ARHGAP35: variants seen among roughly 807,000 people sequenced by gnomAD.
ARHGAP35 encodes Rho GTPase activating protein 35.
In ARHGAP35, 15 loss-of-function variants were observed where a neutral mutation model predicts 111.1. The ratio of observed to expected loss-of-function variants is 0.13; its 90% CI spans 0.09 to 0.21. The LOEUF is 0.21. Among genes scored for constraint, ARHGAP35 ranks in the 10% least tolerant of loss-of-function variants. The pLI is 1.00. For missense variants in ARHGAP35, 1,262 were observed against 1,873.0 expected (o/e 0.67, Z 6.02); for synonymous variants, 643 against 710.3 (o/e 0.91, Z 1.51).
chr19:46,985,752 G>A (rs928351672), intron 3 of ARHGAP35, among the ~76,000 whole-genome samples: 7 of 152,116 alleles, frequency 4.6e-5, no homozygotes, highest in African/African-American at 1.7e-4. Flanking sequence ...GTAACTAGGC[G>A]TTGCTTGGTA....
chr19:46,885,304 A>G (rs1173703984), intron 1 of ARHGAP35, among the ~76,000 whole-genome samples: 10 of 152,200 alleles, frequency 6.6e-5, no homozygotes, highest in Non-Finnish European at 1.2e-4. Context: ...AATCTTTTCT[A>G]TATGCCAGGC....
chr19:46,866,568 G>A (rs1251958433), intron 1 of ARHGAP35, among the ~76,000 whole-genome samples: 1 of 152,134 alleles, frequency 6.6e-6, no homozygotes, highest in African/African-American at 2.4e-5. Context: ...GTAGATTCTT[G>A]TTGTCCTGGG....
intron 1 of ARHGAP35, among the ~76,000 whole-genome samples, chr19:46,915,675 A>G (rs1250266019): frequency 6.6e-6 from 1 of 152,128 alleles, no homozygotes; most frequent in Non-Finnish European, 1.5e-5. Context: ...TGCTCTGTTC[A>G]TTTCAGATTC....
rs1417457677 is a variant in ARHGAP35 at position 46,922,292 on chromosome 19, C to T, written c.3617C>T (p.Pro1206Leu). Reference sequence around the variant, plus strand: ...TATAAAGGGGACAATGCTGTCATTCCATACGAAACAGACGAAGACCCGCGG... The same window carrying T: ...TATAAAGGGGACAATGCTGTCATTCTATACGAAACAGACGAAGACCCGCGG... ...QGYKGDNAVI[P>L]YETDEDPRRR... The change falls in exon 2 of 7, where the codon CCA becomes CTA. Residue 1206 changes from proline (P) to leucine (L), a missense_variant. Pro to Leu is a moderately conservative substitution (Grantham distance 98). Coordinates refer to ENST00000672722, the MANE Select transcript of ARHGAP35 (RefSeq NM_004491.5). The surrounding 1 kb of genome is among the most constrained non-coding windows in gnomAD (Gnocchi z 4.0). 1 of 1,613,660 alleles carries T rather than the reference C, an allele frequency of 6.2e-7. No individual in the cohort carries two copies. Among genetic ancestry groups the T allele is most frequent in the South Asian group, 1.1e-5 (1 of 91,022 alleles).
chr19:46,964,489 C>T (rs958287753), intron 3 of ARHGAP35, among the ~76,000 whole-genome samples: 7 of 152,190 alleles, frequency 4.6e-5, no homozygotes, highest in African/African-American at 1.7e-4. Context: ...AACTCCTGAG[C>T]TCAAGTGATC....
chr19:46,913,292 G>C (rs184998072), intron 1 of ARHGAP35, among the ~76,000 whole-genome samples: 1 of 151,356 alleles, frequency 6.6e-6, no homozygotes, highest in Non-Finnish European at 1.5e-5. Context: ...TGTTGGAAGA[G>C]TGATACACAC....
intron 2 of ARHGAP35, among the ~76,000 whole-genome samples, chr19:46,935,914 A>AAC (rs1264283672): frequency 6.6e-6 from 1 of 152,234 alleles, no homozygotes; most frequent in Non-Finnish European, 1.5e-5. Context: ...TAATCATGTT[A>AAC]ATGAGCATAG....
intron 3 of ARHGAP35, among the ~76,000 whole-genome samples, chr19:46,950,825 C>T (rs889311195): frequency 1.3e-5 from 2 of 152,202 alleles, no homozygotes; most frequent in African/African-American, 4.8e-5. Context: ...CATCATAGGA[C>T]AGTGCTCTCT....
chr19:46,893,886 CT>C (rs75930765), intron 1 of ARHGAP35, among the ~76,000 whole-genome samples: 278 of 122,344 alleles, frequency 2.3e-3, no homozygotes, highest in African/African-American at 3.0e-3. Context: ...CGTTCTTTCT[CT>C]TTTTTTTTTT....
intron 1 of ARHGAP35, among the ~76,000 whole-genome samples, chr19:46,872,471 TATAAAC>T (rs2055892925): frequency 6.6e-6 from 1 of 152,064 alleles, no homozygotes; most frequent in Non-Finnish European, 1.5e-5. Flanking sequence ...TGGTTTTTCT[TATAAAC>T]ATATGAAAGA....
chr19:46,961,781 T>G (rs1003877112), intron 3 of ARHGAP35, among the ~76,000 whole-genome samples: 1 of 151,940 alleles, frequency 6.6e-6, no homozygotes, highest in Non-Finnish European at 1.5e-5. Context: ...AATACAAAAA[T>G]TAGCCGGGCG....
chr19:46,962,107 G>C (rs1306448991), intron 3 of ARHGAP35, among the ~76,000 whole-genome samples: 1 of 152,182 alleles, frequency 6.6e-6, no homozygotes, highest in Admixed American at 6.5e-5. Context: ...ATCTGTGGGT[G>C]CTGTTTACAC....
intron 1 of ARHGAP35, among the ~76,000 whole-genome samples, chr19:46,912,144 A>G (rs903063065): frequency 1.4e-5 from 2 of 144,868 alleles, no homozygotes; most frequent in African/African-American, 5.2e-5. Context: ...CTAGGGTTCT[A>G]GCGATTCTCC....
rs948499076 is a variant in ARHGAP35, at chr19:46,993,254, T to G, written c.4036+3579T>G. ...GGGGAGAGCCGACGCCGGACGAGCC[T>G]GCGTGATCACTGAAGGGCTGTGACC... On this transcript the variant is annotated intron_variant, in intron 5 of 6. Transcript: ENST00000672722. The surrounding 1 kb of genome is among the most constrained non-coding windows in gnomAD (Gnocchi z 4.6). Among the ~76,000 whole-genome samples the G allele has an allele frequency of 6.6e-6, 1 of 152,230 alleles. No individual in the cohort carries two copies. The highest frequency in any genetic ancestry group is 2.4e-5 in the African/African-American group (1 of 41,462).
intron 1 of ARHGAP35, among the ~76,000 whole-genome samples, chr19:46,902,834 A>G (rs1327709062): frequency 6.6e-6 from 1 of 152,240 alleles, no homozygotes; most frequent in Admixed American, 6.5e-5. Flanking sequence ...CACAGCAAGA[A>G]AAATGCCACC....
In ARHGAP35 at chr19:46,861,142, G is replaced by A. The variant is rs2055823934; in HGVS notation, c.-256G>A. ...CGCTGGACTAGGAGCAGGGGAACAT[G>A]GCGCCGGGGCCCCCGTCGTTGCTGC... On this transcript the variant is annotated 5_prime_UTR_variant, in exon 1 of 7. The change abolishes an upstream ATG in the 5' untranslated region. Transcript: ENST00000672722. Among the ~76,000 whole-genome samples the A allele has an allele frequency of 6.6e-6, 1 of 151,530 alleles. No individual in the cohort carries two copies. The highest frequency in any genetic ancestry group is 1.5e-5 in the Non-Finnish European group (1 of 67,784).
chr19:46,909,211 C>T (rs1285056947), intron 1 of ARHGAP35, among the ~76,000 whole-genome samples: 1 of 152,112 alleles, frequency 6.6e-6, no homozygotes, highest in Non-Finnish European at 1.5e-5. Flanking sequence ...GTTGAGGTGG[C>T]AGAATTGCCT....
At chr19:46,979,941 C>G (rs938503117) in intron 3 of ARHGAP35, among the ~76,000 whole-genome samples, 2 of 152,126 alleles carry the variant, frequency 1.3e-5, no homozygotes, top group Non-Finnish European at 2.9e-5. Flanking sequence ...AGGCACCTCC[C>G]GAGCAGGAAG....
At chr19:46,925,603 A>G (rs1599823404) in intron 2 of ARHGAP35, among the ~76,000 whole-genome samples, 1 of 152,342 alleles carries the variant, frequency 6.6e-6, no homozygotes, top group Middle Eastern at 3.4e-3. Context: ...AGCAAGGCCT[A>G]CACAGCCACT....
Sources: allele counts gnomAD v4.1 joint callset (sites outside exome capture counted in the v4.1 genomes callset), GRCh38; gene constraint gnomAD v4.1.1; non-coding constraint Gnocchi (gnomAD v3.1); transcripts MANE v1.5; gene names NCBI Gene and HGNC (gene_info 2026-07-23, HGNC 2026-07-21).